Variants in USP25 observed in about 807,000 individuals in gnomAD.
USP25 encodes the protein ubiquitin specific peptidase 25.
Under a neutral mutation model 158.5 loss-of-function variants are expected in USP25, and 85 were observed. The ratio of observed to expected loss-of-function variants is 0.54; its 90% CI spans 0.45 to 0.64. The LOEUF (loss-of-function observed/expected upper bound fraction) is 0.64, where lower values mean the gene tolerates loss of function less well. Among genes scored for constraint, USP25 ranks in the 30% least tolerant of loss-of-function variants. The pLI, the probability that USP25 is intolerant of heterozygous loss-of-function variation, is 0.00. For missense variants in USP25, 1,242 were observed against 1,327.3 expected (o/e 0.94, Z 1.00); for synonymous variants, 464 against 460.4 (o/e 1.01, Z -0.10).
intron 20 of USP25, among the ~76,000 whole-genome samples, chr21:15,863,720 C>T (rs572294205): frequency 3.9e-5 from 6 of 152,292 alleles, no homozygotes; most frequent in East Asian, 1.9e-4. Context: ...GCAAAAAGAA[C>T]GTTTATATAG....
chr21:15,866,641 A>G (rs2039671305), intron 22 of USP25, among the ~76,000 whole-genome samples: 1 of 152,188 alleles, frequency 6.6e-6, no homozygotes, highest in Non-Finnish European at 1.5e-5. Flanking sequence ...AAAACAGAAT[A>G]ACAAATGCAT....
chr21:15,854,288 G>C (rs1375019538), intron 20 of USP25, among the ~76,000 whole-genome samples: 1 of 152,076 alleles, frequency 6.6e-6, no homozygotes, highest in Non-Finnish European at 1.5e-5. Context: ...TGAGACTACA[G>C]GGGCCCGCCA....
At position 15,847,657 on chromosome 21, in the gene USP25, C is replaced by T. The variant is rs1441293195; in HGVS notation, c.2338-6C>T. 4 of 1,539,612 alleles carry T rather than the reference C, an allele frequency of 2.6e-6. No homozygotes were observed. Among genetic ancestry groups the T allele is most frequent in the South Asian group, 2.4e-5 (2 of 83,820 alleles). ...TAATGTTTATATTAATGATTTCCTT[C>T]TGCAGAAACCTGAAAATACTACAAG... On this transcript the variant is annotated splice_region_variant and splice_polypyrimidine_tract_variant and intron_variant, in intron 18 of 25. Coordinates refer to ENST00000400183, the MANE Select transcript of USP25 (RefSeq NM_001283041.3).
intron 1 of USP25, among the ~76,000 whole-genome samples, chr21:15,743,815 T>G (rs1225852493): frequency 1.3e-5 from 2 of 151,994 alleles, no homozygotes; most frequent in Non-Finnish European, 2.9e-5. Context: ...CCTAGGAATT[T>G]GTCTACTGTC....
At position 15,730,298 on chromosome 21, in the gene USP25, G is replaced by T; in HGVS notation, c.-96G>T. 9.9e-7 allele frequency: 1 copy of T among 1,005,358 alleles called. No individual in the cohort carries two copies. Among genetic ancestry groups the T allele is most frequent in the Non-Finnish European group, 1.2e-6 (1 of 843,252 alleles). The allele number at this position is 1,005,358 out of a possible 1,614,324, so 62.3% of individuals were successfully genotyped here. Reference sequence around the variant, plus strand: ...GCTGTCCTCCCAGGCCGTCCGCGCCGCTCCCTGGAGCTCGGCGGAGCGCGG... The same window carrying T: ...GCTGTCCTCCCAGGCCGTCCGCGCCTCTCCCTGGAGCTCGGCGGAGCGCGG... On this transcript the variant is annotated 5_prime_UTR_variant, in exon 1 of 26. Coordinates refer to ENST00000400183, the MANE Select transcript of USP25 (RefSeq NM_001283041.3).
At position 15,874,591 on chromosome 21, in the gene USP25, CATAT is replaced by C. The variant is rs878941415; in HGVS notation, c.3009+69_3009+72del. 3 of 1,465,020 alleles carry C rather than the reference CATAT, an allele frequency of 2.0e-6. No homozygotes were observed. The East Asian group carries it at 7.1e-5, about 35-fold the overall frequency. 90.8% of individuals were successfully genotyped at this position (1,465,020 alleles called of 1,614,324 possible). A position where few individuals can be genotyped will look rare whatever the true frequency, so the allele number is the denominator to read the frequency against. On this transcript the variant is annotated intron_variant, in intron 24 of 25. Coordinates refer to ENST00000400183, the MANE Select transcript of USP25 (RefSeq NM_001283041.3). ...TGACATTGGGCAAGTTTTCCAGACT[CATAT>C]ATAAGTGATTGACTCCATAAACTCT...
At chr21:15,867,836 C>T (rs1319699880) in intron 22 of USP25, among the ~76,000 whole-genome samples, 3 of 151,990 alleles carry the variant, frequency 2.0e-5, no homozygotes, top group Non-Finnish European at 4.4e-5. Flanking sequence ...AATTATAAAA[C>T]TTATTGGGAG....
At chr21:15,846,122 GTATATATATATATATATATA>G (rs34210530) in intron 18 of USP25, among the ~76,000 whole-genome samples, 1 of 55,708 alleles carries the variant, frequency 1.8e-5, no homozygotes, top group African/African-American at 7.3e-5. Flanking sequence ...GTGTGTGTGT[GTATATATATATATATATATA>G]TATATATATA....
chr21:15,787,244 A>AT (rs2035329474), intron 4 of USP25, among the ~76,000 whole-genome samples: 1 of 152,158 alleles, frequency 6.6e-6, no homozygotes, highest in African/African-American at 2.4e-5. Context: ...GAGAATTAGA[A>AT]AAGACAATCC....
chr21:15,863,665 T>C (rs2039527642), intron 20 of USP25, among the ~76,000 whole-genome samples: 2 of 152,208 alleles, frequency 1.3e-5, no homozygotes, highest in Non-Finnish European at 2.9e-5. Flanking sequence ...ACAGAATTAC[T>C]CACATTGTAA....
chr21:15,733,191 A>G (rs2031137114), intron 1 of USP25, among the ~76,000 whole-genome samples: 1 of 117,946 alleles, frequency 8.5e-6, no homozygotes, highest in Admixed American at 1.2e-4. Flanking sequence ...TCTTTAGGGC[A>G]GTTATTATTG....
intron 2 of USP25, among the ~76,000 whole-genome samples, chr21:15,764,047 A>G (rs2033891103): frequency 6.6e-6 from 1 of 152,094 alleles, no homozygotes; most frequent in Non-Finnish European, 1.5e-5. Flanking sequence ...GCTTCACCTT[A>G]TTCCCCCATC....
chr21:15,878,462 C>CTG lies in USP25; in HGVS notation c.3366_3367dup (p.Asp1123ValfsTer15). The CTG allele has an allele frequency of 6.2e-7, 1 of 1,613,924 alleles. No homozygotes were observed. The highest frequency in any genetic ancestry group is 8.5e-7 in the Non-Finnish European group (1 of 1,179,876). ...ATGTTGTCCCTCAGTCGAACTCCTGCTGATGGAAGATAAACTGCACACTTT... is the reference window on the plus strand; with the variant it reads ...ATGTTGTCCCTCAGTCGAACTCCTGCTGTGATGGAAGATAAACTGCACACTTT... On this transcript the variant is annotated frameshift_variant, in exon 26 of 26. Transcript: ENST00000400183. LOFTEE classifies it high-confidence loss of function.
Position 15,878,594 on chromosome 21 carries a change from T to A in USP25, c.*119T>A. On this transcript the variant is annotated 3_prime_UTR_variant, in exon 26 of 26. Coordinates refer to ENST00000400183, the MANE Select transcript of USP25 (RefSeq NM_001283041.3). ...TTTAACTTTTTTTTATTTTAATAACTGCAAAAGACAAAATGACTATACAGA... is the reference window on the plus strand; with the variant it reads ...TTTAACTTTTTTTTATTTTAATAACAGCAAAAGACAAAATGACTATACAGA... The A allele has an allele frequency of 9.0e-7, 1 of 1,107,966 alleles. No individual in the cohort carries two copies. Among genetic ancestry groups the A allele is most frequent in the Non-Finnish European group, 1.2e-6 (1 of 816,320 alleles). The allele number at this position is 1,107,966 out of a possible 1,614,324, so 68.6% of individuals were successfully genotyped here.
At chr21:15,752,108 T>A (rs1476733722) in intron 1 of USP25, among the ~76,000 whole-genome samples, 1 of 152,042 alleles carries the variant, frequency 6.6e-6, no homozygotes. Flanking sequence ...TAATTTTGTA[T>A]TTTTGGTAGA....
intron 5 of USP25, among the ~76,000 whole-genome samples, chr21:15,797,195 A>G (rs1456007110): frequency 1.3e-5 from 2 of 151,414 alleles, no homozygotes; most frequent in East Asian, 3.9e-4. Flanking sequence ...GGGAGAGTAA[A>G]AGGAAATAGG....
chr21:15,744,355 C>T (rs934316859), intron 1 of USP25: 1 of 152,368 alleles, frequency 6.6e-6, no homozygotes, highest in Non-Finnish European at 1.5e-5. Flanking sequence ...AGACAAAGGT[C>T]TCACCGTGTC....
At position 15,879,467 on chromosome 21, in the gene USP25, A is replaced by G. The variant is rs371139829; in HGVS notation, c.*992A>G. 11 of 152,506 alleles carry G rather than the reference A, an allele frequency of 7.2e-5. No individual in the cohort carries two copies. Among genetic ancestry groups the G allele is most frequent in the Admixed American group, 2.6e-4 (4 of 15,260 alleles). 9.4% of individuals were successfully genotyped at this position (152,506 alleles called of 1,614,324 possible). A position where few individuals can be genotyped will look rare whatever the true frequency, so the allele number is the denominator to read the frequency against. On this transcript the variant is annotated 3_prime_UTR_variant, in exon 26 of 26. Transcript: ENST00000400183. ...CTCTACTAATTAATACTGTGAAACA[A>G]AATTGATGTTGTTTAACTAGAAGTT... is the stretch of plus-strand genomic sequence containing the variant.
At chr21:15,752,009 A>G (rs1006003145) in intron 1 of USP25, among the ~76,000 whole-genome samples, 3 of 152,320 alleles carry the variant, frequency 2.0e-5, no homozygotes, top group Non-Finnish European at 4.4e-5. Flanking sequence ...ATCTCAGCTC[A>G]CTGCAACCTC....
Sources: allele counts gnomAD v4.1 joint callset (sites outside exome capture counted in the v4.1 genomes callset), GRCh38; gene constraint gnomAD v4.1.1; transcripts MANE v1.5; gene names NCBI Gene and HGNC (gene_info 2026-07-23, HGNC 2026-07-21).